GSTT4: variants seen among roughly 807,000 people sequenced by gnomAD.
GSTT4 encodes the protein glutathione S-transferase theta-4.
At chr22:23,992,064 A>T in the GSTT4 span, among the ~76,000 whole-genome samples, 1,219 of 135,012 alleles carry the variant, frequency 9.0e-3, no homozygotes, top group Middle Eastern at 0.024. Flanking sequence ...AAAAAAAAAA[A>T]AAAAAAAAAG....
At chr22:23,999,947 C>T (rs1269399099) in intron 4 of GSTT4, 128 bp downstream of exon 4, 64 of 154,284 alleles carry the variant, frequency 4.1e-4, no homozygotes, top group African/African-American at 1.3e-3. Context: ...GCCTGGTTCC[C>T]GCAGCCCCCA....
chr22:23,994,815 A>G (rs1054951863), downstream of GSTT4, among the ~76,000 whole-genome samples: 2 of 152,104 alleles, frequency 1.3e-5, no homozygotes, highest in African/African-American at 4.8e-5. Flanking sequence ...GAAGGAGAAG[A>G]CAAGATATAG....
At chr22:23,990,436 CA>C in the GSTT4 span, among the ~76,000 whole-genome samples, 17 of 68,078 alleles carry the variant, frequency 2.5e-4, no homozygotes, top group Non-Finnish European at 3.4e-4. Flanking sequence ...ATGGCAAAAT[CA>C]CGCGTCTACA....
chr22:23,995,900 C>T (rs143748329), downstream of GSTT4, among the ~76,000 whole-genome samples: 66 of 152,160 alleles, frequency 4.3e-4, 2 homozygotes, highest in African/African-American at 1.6e-3. Context: ...CAAATGTATA[C>T]TATTGATTTT....
chr22:23,992,710 G>A, the GSTT4 span, among the ~76,000 whole-genome samples: 2 of 151,854 alleles, frequency 1.3e-5, no homozygotes, highest in Non-Finnish European at 2.9e-5. Context: ...GCAGTGATGG[G>A]ACCACTAACA....
At chr22:24,004,237 C>T (rs2034301750) in intron 1 of GSTT4, 1 of 152,966 alleles carries the variant, frequency 6.5e-6, no homozygotes. Flanking sequence ...ACTCTGTCTC[C>T]ACTTTAAGGA....
chr22:23,997,781 C>T (rs1280761944), downstream of GSTT4, among the ~76,000 whole-genome samples: 2 of 152,126 alleles, frequency 1.3e-5, no homozygotes, highest in African/African-American at 4.8e-5. Context: ...CAAGATCATT[C>T]TTCTTTAACT....
At chr22:23,997,541 G>A (rs1357176178), downstream of GSTT4, among the ~76,000 whole-genome samples, 1 of 152,010 alleles carries the variant, frequency 6.6e-6, no homozygotes, top group African/African-American at 2.4e-5. Context: ...CTTTCTTGGT[G>A]AATAATTTGA....
the GSTT4 span, among the ~76,000 whole-genome samples, chr22:23,989,427 C>T: frequency 7.1e-6 from 1 of 140,796 alleles, no homozygotes; most frequent in Non-Finnish European, 1.6e-5. Context: ...AAGCATGGCT[C>T]AAGGACAATT....
chr22:24,002,330 T>C (rs587678871), intron 2 of GSTT4, among the ~76,000 whole-genome samples: 7 of 152,060 alleles, frequency 4.6e-5, no homozygotes, highest in South Asian at 2.1e-4. Context: ...TTGGAGGCCA[T>C]GGGGACAGAG....
chr22:23,995,364 A>G (rs1317930278), downstream of GSTT4, among the ~76,000 whole-genome samples: 2 of 152,140 alleles, frequency 1.3e-5, no homozygotes, highest in African/African-American at 2.4e-5. Flanking sequence ...ACAGAAACCC[A>G]GTAGCGTACA....
intron 3 of GSTT4, among the ~76,000 whole-genome samples, chr22:24,000,615 G>T (rs587594646): frequency 6.3e-5 from 9 of 143,790 alleles, no homozygotes; most frequent in Admixed American, 6.0e-4. Context: ...CTGGAGTGCA[G>T]TGGCACAATC....
the GSTT4 span, among the ~76,000 whole-genome samples, chr22:23,990,338 G>A: frequency 7.3e-6 from 1 of 137,832 alleles, no homozygotes; most frequent in Admixed American, 7.6e-5. Flanking sequence ...GGCCAGACAT[G>A]GTGGTGCATG....
At chr22:23,999,878 C>T (rs1313279391) in intron 4 of GSTT4, among the ~76,000 whole-genome samples, 197 bp downstream of exon 4, 1 of 152,140 alleles carries the variant, frequency 6.6e-6, no homozygotes, top group African/African-American at 2.4e-5. Flanking sequence ...GAACTGTGAT[C>T]CTTCCTGATT....
chr22:23,997,440 C>A (rs368588), downstream of GSTT4, among the ~76,000 whole-genome samples: 8,670 of 152,078 alleles, frequency 0.057, 327 homozygotes, highest in Middle Eastern at 0.15. Context: ...CCAGGCTGTT[C>A]TCAATCTCCT....
the GSTT4 span, among the ~76,000 whole-genome samples, chr22:23,989,750 C>G: frequency 4.0e-5 from 6 of 150,662 alleles, 1 homozygote; most frequent in African/African-American, 1.5e-4. Flanking sequence ...ACTGGGGGTT[C>G]CCAGGTCTGA....
downstream of GSTT4, among the ~76,000 whole-genome samples, chr22:23,993,973 C>T (rs2034092412): frequency 6.6e-6 from 1 of 152,210 alleles, no homozygotes; most frequent in Non-Finnish European, 1.5e-5. Flanking sequence ...AACAGTCAAA[C>T]AGGGGTGGAA....
the GSTT4 span, among the ~76,000 whole-genome samples, chr22:23,991,783 G>T: frequency 2.2e-5 from 3 of 138,292 alleles, no homozygotes; most frequent in Non-Finnish European, 3.2e-5. Flanking sequence ...GGCTGGGCGC[G>T]GTGGCTCACG....
downstream of GSTT4, among the ~76,000 whole-genome samples, chr22:23,993,774 T>G (rs2034089774): frequency 6.6e-6 from 1 of 152,226 alleles, no homozygotes; most frequent in East Asian, 1.9e-4. Context: ...AATCAGCTCA[T>G]TGGTTGGCGA....
Sources: allele counts gnomAD v4.1 joint callset (sites outside exome capture counted in the v4.1 genomes callset), GRCh38; gene constraint gnomAD v4.1.1; transcripts MANE v1.5; gene names NCBI Gene and HGNC (gene_info 2026-07-23, HGNC 2026-07-21).